LRRC4C: variants seen among roughly 807,000 people sequenced by gnomAD.
LRRC4C encodes the protein leucine rich repeat containing 4C.
Under a neutral mutation model 33.6 loss-of-function variants are expected in LRRC4C, and 5 were observed. The observed-to-expected ratio is 0.15, with a 90% CI of 0.08 to 0.31. LRRC4C has a LOEUF of 0.31. Among genes scored for constraint, LRRC4C ranks in the 10% least tolerant of loss-of-function variants. LRRC4C has a pLI of 1.00. For synonymous variants in LRRC4C, 329 were observed against 302.0 expected (o/e 1.09, Z -0.93); for missense variants, 560 against 796.7 (o/e 0.70, Z 3.58).
At chr11:40,890,643 T>TCTATGGGAGTAGAATAGCTGAA (rs1195714200) in intron 2 of LRRC4C, among the ~76,000 whole-genome samples, 6 of 152,164 alleles carry the variant, frequency 3.9e-5, no homozygotes, top group African/African-American at 1.4e-4. Context: ...AGACCATTGT[T>TCTATGGGAGTAGAATAGCTGAA]CTATGGGAGT....
intron 2 of LRRC4C, among the ~76,000 whole-genome samples, chr11:40,747,278 T>A (rs1948476302): frequency 6.6e-6 from 1 of 152,104 alleles, no homozygotes; most frequent in Non-Finnish European, 1.5e-5. Context: ...GCTAAGCAAT[T>A]CAGAAAATCA....
intron 1 of LRRC4C, among the ~76,000 whole-genome samples, chr11:40,995,347 T>A (rs991415568): frequency 1.3e-5 from 2 of 152,178 alleles, no homozygotes; most frequent in East Asian, 3.9e-4. Flanking sequence ...CCTGCTGGGA[T>A]ATATAACAAC....
At chr11:40,393,393 T>C (rs1455456498) in intron 3 of LRRC4C, among the ~76,000 whole-genome samples, 1 of 152,134 alleles carries the variant, frequency 6.6e-6, no homozygotes, top group African/African-American at 2.4e-5. Flanking sequence ...TAAGAGACCC[T>C]GAAGATTTAT....
Position 40,398,447 on chromosome 11 carries a change from C to T in LRRC4C, c.-269-78726G>A, listed in dbSNP as rs762939240. Among the ~76,000 whole-genome samples, 3 of 152,164 alleles carry T rather than the reference C, an allele frequency of 2.0e-5. No individual in the cohort carries two copies. The East Asian group carries it at 5.8e-4, about 29-fold the overall frequency. ...TCCAAATGCCTGTTGTGGTTACATA[C>T]TAAGATCCCAATATGAGTTTGTTGT... On this transcript the variant is annotated intron_variant, in intron 3 of 6. Coordinates refer to ENST00000528697, the MANE Select transcript of LRRC4C (RefSeq NM_001258419.2).
At chr11:40,980,421 T>C (rs1427703122) in intron 1 of LRRC4C, among the ~76,000 whole-genome samples, 1 of 152,162 alleles carries the variant, frequency 6.6e-6, no homozygotes, top group Non-Finnish European at 1.5e-5. Context: ...CAATTTAGAG[T>C]AGTTTTGAAG....
At chr11:41,031,136 T>C (rs1856705800) in intron 1 of LRRC4C, among the ~76,000 whole-genome samples, 1 of 151,952 alleles carries the variant, frequency 6.6e-6, no homozygotes, top group Admixed American at 6.6e-5. Context: ...TGAAGGCCTC[T>C]CCACCTGAAG....
chr11:40,986,541 A>G (rs1046389137), intron 1 of LRRC4C, among the ~76,000 whole-genome samples: 5 of 152,184 alleles, frequency 3.3e-5, no homozygotes, highest in Non-Finnish European at 7.3e-5. Flanking sequence ...GCAATGGGCC[A>G]TGATTACATC....
intron 2 of LRRC4C, among the ~76,000 whole-genome samples, chr11:40,762,348 G>A (rs889301127): frequency 1.3e-5 from 2 of 152,088 alleles, no homozygotes; most frequent in Non-Finnish European, 1.5e-5. Context: ...TTCCATTAAG[G>A]TTTCAGATAG....
At chr11:40,898,308 C>T (rs1417445894) in intron 2 of LRRC4C, among the ~76,000 whole-genome samples, 1 of 124,982 alleles carries the variant, frequency 8.0e-6, no homozygotes, top group Non-Finnish European at 1.6e-5. Context: ...GGGCAGAGAA[C>T]GCACCATTGT....
At chr11:40,246,455 G>T (rs997812283) in intron 4 of LRRC4C, among the ~76,000 whole-genome samples, 1 of 152,108 alleles carries the variant, frequency 6.6e-6, no homozygotes, top group Non-Finnish European at 1.5e-5. Context: ...TGATAACATG[G>T]CATTTCATTT....
At chr11:40,874,277 T>C (rs1954780017) in intron 2 of LRRC4C, among the ~76,000 whole-genome samples, 1 of 152,212 alleles carries the variant, frequency 6.6e-6, no homozygotes, top group South Asian at 2.1e-4. Flanking sequence ...GTACATAGTG[T>C]GGACACAGCT....
At chr11:41,079,775 T>G (rs1939426632) in intron 1 of LRRC4C, among the ~76,000 whole-genome samples, 1 of 152,156 alleles carries the variant, frequency 6.6e-6, no homozygotes, top group Non-Finnish European at 1.5e-5. Context: ...TTATGAGGAT[T>G]TTTTTTGTGA....
At chr11:41,441,938 TA>T (rs1238836768) in intron 1 of LRRC4C, among the ~76,000 whole-genome samples, 1 of 152,178 alleles carries the variant, frequency 6.6e-6, no homozygotes, top group Non-Finnish European at 1.5e-5. Flanking sequence ...TAGGAAGGTT[TA>T]AAAAAATTAT....
At chr11:40,409,353 C>T (rs1266542122) in intron 3 of LRRC4C, among the ~76,000 whole-genome samples, 1 of 151,408 alleles carries the variant, frequency 6.6e-6, no homozygotes, top group African/African-American at 2.4e-5. Flanking sequence ...TGATATATCC[C>T]CCAAGAGCAG....
chr11:41,346,575 A>G (rs1951810370), intron 1 of LRRC4C, among the ~76,000 whole-genome samples: 1 of 152,320 alleles, frequency 6.6e-6, no homozygotes, highest in East Asian at 1.9e-4. Flanking sequence ...ATACTATTGT[A>G]AACATGTTTT....
At chr11:40,197,123 A>G (rs1862325665) in intron 5 of LRRC4C, among the ~76,000 whole-genome samples, 1 of 152,218 alleles carries the variant, frequency 6.6e-6, no homozygotes, top group Non-Finnish European at 1.5e-5. Context: ...ACTCAGAAAT[A>G]CAAGCTATAG....
intron 1 of LRRC4C, among the ~76,000 whole-genome samples, chr11:40,973,624 A>G: frequency 6.6e-6 from 1 of 152,288 alleles, no homozygotes; most frequent in Admixed American, 6.5e-5. Flanking sequence ...TTTATTATAG[A>G]AGTCCTGGTT....
At chr11:40,459,160 C>A (rs1952272446) in intron 3 of LRRC4C, among the ~76,000 whole-genome samples, 1 of 152,182 alleles carries the variant, frequency 6.6e-6, no homozygotes, top group African/African-American at 2.4e-5. Context: ...TGCATATACA[C>A]AATCATTGAC....
At chr11:40,132,447 G>A (rs904903800) in intron 6 of LRRC4C, among the ~76,000 whole-genome samples, 6 of 152,172 alleles carry the variant, frequency 3.9e-5, no homozygotes, top group African/African-American at 1.4e-4. Context: ...GGCAATGTAT[G>A]AATCAGGATG....
Sources: allele counts gnomAD v4.1 joint callset (sites outside exome capture counted in the v4.1 genomes callset), GRCh38; gene constraint gnomAD v4.1.1; transcripts MANE v1.5; gene names NCBI Gene and HGNC (gene_info 2026-07-23, HGNC 2026-07-21).